Variants in SUPT3H observed in about 807,000 individuals in gnomAD.
SUPT3H encodes the protein transcription initiation protein SPT3 homolog.
SUPT3H carries 44 observed loss-of-function variants against 44.3 expected under a neutral mutation model. The observed-to-expected ratio is 0.99, with a 90% confidence interval of 0.78 to 1.28. The LOEUF (loss-of-function observed/expected upper bound fraction) is 1.28. Among genes scored for constraint, SUPT3H ranks in the 50% most tolerant of loss-of-function variants. The pLI is 0.00. For synonymous variants in SUPT3H, 124 were observed against 125.6 expected, an observed-to-expected ratio of 0.99 and a Z score of 0.09; for missense variants, 380 against 387.1, an observed-to-expected ratio of 0.98 and a Z score of 0.15.
chr6:44,953,435 T>A lies in SUPT3H; in HGVS notation c.694-18A>T. The A allele has an allele frequency of 6.3e-7, 1 of 1,596,080 alleles. No individual in the cohort carries two copies. Among genetic ancestry groups the A allele is most frequent in the Non-Finnish European group, 8.6e-7 (1 of 1,163,828 alleles). ...TCCACTAACTAGAAGACCAGAAGAA[T>A]GAAAGTCACATAGCTAGAAATAATC... On this transcript the variant is annotated intron_variant, in intron 8 of 10. Transcript: ENST00000371459.
intron 3 of SUPT3H, among the ~76,000 whole-genome samples, chr6:45,055,545 AAAAC>A (rs1408636441): frequency 1.3e-5 from 2 of 152,188 alleles, no homozygotes; most frequent in Admixed American, 6.5e-5. Context: ...GATCTTCGAC[AAAAC>A]AAACAAAAAC....
intron 6 of SUPT3H, among the ~76,000 whole-genome samples, chr6:44,976,419 T>C (rs973180857): frequency 1.3e-5 from 2 of 152,002 alleles, no homozygotes; most frequent in African/African-American, 4.8e-5. Context: ...TGGAGTGCAG[T>C]GGCGCAATCT....
intron 2 of SUPT3H, among the ~76,000 whole-genome samples, chr6:45,248,573 AAG>A (rs1383878994): frequency 6.6e-6 from 1 of 152,204 alleles, no homozygotes; most frequent in Non-Finnish European, 1.5e-5. Flanking sequence ...AAATCAAAAA[AAG>A]AGAAAAAACT....
intron 10 of SUPT3H, among the ~76,000 whole-genome samples, chr6:44,903,386 G>C (rs1271682143): frequency 1.3e-5 from 2 of 152,174 alleles, no homozygotes; most frequent in Non-Finnish European, 2.9e-5. Flanking sequence ...ACTACCATCA[G>C]AGAATACTAT....
At position 45,303,501 on chromosome 6, in the gene SUPT3H, C is replaced by A. The variant is rs182102666; in HGVS notation, c.101+61700G>T. Among the ~76,000 whole-genome samples the A allele has an allele frequency of 6.6e-5, 10 of 152,114 alleles. No homozygotes were observed. In the East Asian group the frequency reaches 7.7e-4, roughly 12 times the overall value. On this transcript the variant is annotated intron_variant, in intron 2 of 10. Transcript: ENST00000371459. ...CAAAAGAAGATAGAGAAATGGCCAA[C>A]AAACATATGAAAAAATGCTTAACAT...
chr6:45,045,546 G>T (rs1226427075), intron 3 of SUPT3H, among the ~76,000 whole-genome samples: 1 of 152,012 alleles, frequency 6.6e-6, no homozygotes, highest in Non-Finnish European at 1.5e-5. Context: ...GGAGTTTTGG[G>T]GCTAAGACAC....
intron 6 of SUPT3H, among the ~76,000 whole-genome samples, chr6:44,978,151 ATT>A (rs1258942111): frequency 6.6e-6 from 1 of 152,214 alleles, no homozygotes; most frequent in Admixed American, 6.5e-5. Flanking sequence ...AGGGAAGATT[ATT>A]TCTAAAGTAA....
intron 10 of SUPT3H, among the ~76,000 whole-genome samples, chr6:44,850,132 G>A (rs1772620565): frequency 6.6e-6 from 1 of 152,104 alleles, no homozygotes; most frequent in African/African-American, 2.4e-5. Context: ...TAACTTCCAA[G>A]AAAAAGAATC....
chr6:45,342,856 A>C (rs1233762094), intron 2 of SUPT3H, among the ~76,000 whole-genome samples: 1 of 152,218 alleles, frequency 6.6e-6, no homozygotes, highest in Non-Finnish European at 1.5e-5. Context: ...CTCCAATTAC[A>C]AGATATTTGT....
intron 6 of SUPT3H, among the ~76,000 whole-genome samples, chr6:44,996,136 G>A (rs941275499): frequency 6.6e-6 from 1 of 151,684 alleles, no homozygotes; most frequent in Non-Finnish European, 1.5e-5. Context: ...GTATATTAAT[G>A]CTTCTAATGC....
intron 3 of SUPT3H, among the ~76,000 whole-genome samples, chr6:45,041,702 C>G (rs1788558231): frequency 6.6e-6 from 1 of 152,162 alleles, no homozygotes; most frequent in African/African-American, 2.4e-5. Context: ...TCTTTTTCTT[C>G]TTTAACATCT....
At chr6:44,931,371 A>G (rs975856897) in intron 10 of SUPT3H, among the ~76,000 whole-genome samples, 1 of 151,820 alleles carries the variant, frequency 6.6e-6, no homozygotes, top group Non-Finnish European at 1.5e-5. Flanking sequence ...ATCTTTCATT[A>G]TAAGTTTTTT....
chr6:44,843,546 G>T (rs1304093410), intron 10 of SUPT3H, among the ~76,000 whole-genome samples: 2 of 152,010 alleles, frequency 1.3e-5, no homozygotes, highest in African/African-American at 4.8e-5. Flanking sequence ...AAGGTTATAG[G>T]CTATAAAATC....
intron 10 of SUPT3H, among the ~76,000 whole-genome samples, chr6:44,841,070 A>G (rs1770855081): frequency 6.6e-6 from 1 of 152,166 alleles, no homozygotes; most frequent in Non-Finnish European, 1.5e-5. Flanking sequence ...TTCTGCCATT[A>G]TTGGAAGCTT....
At chr6:45,006,538 A>T in intron 5 of SUPT3H, among the ~76,000 whole-genome samples, 1 of 152,034 alleles carries the variant, frequency 6.6e-6, no homozygotes, top group East Asian at 1.9e-4. Flanking sequence ...CATTGCTTGA[A>T]CATATTTTAG....
At chr6:44,919,639 T>C (rs1768344287) in intron 10 of SUPT3H, among the ~76,000 whole-genome samples, 2 of 152,284 alleles carry the variant, frequency 1.3e-5, no homozygotes, top group South Asian at 4.1e-4. Flanking sequence ...GTTCTATGCA[T>C]TCAGCCAAAT....
At chr6:44,926,418 C>G (rs1048304802) in intron 10 of SUPT3H, among the ~76,000 whole-genome samples, 1 of 151,744 alleles carries the variant, frequency 6.6e-6, no homozygotes, top group Non-Finnish European at 1.5e-5. Context: ...GGAAAAATAC[C>G]TGCAACAAAC....
intron 2 of SUPT3H, among the ~76,000 whole-genome samples, chr6:45,292,242 A>G (rs1343525476): frequency 1.3e-5 from 2 of 152,178 alleles, no homozygotes; most frequent in Non-Finnish European, 2.9e-5. Flanking sequence ...AAATGCCGAG[A>G]GAATTCGCCA....
chr6:45,324,184 A>T (rs1280436162), intron 2 of SUPT3H, among the ~76,000 whole-genome samples: 1 of 152,052 alleles, frequency 6.6e-6, no homozygotes, highest in Non-Finnish European at 1.5e-5. Context: ...TGAATTACTT[A>T]TACAGCTACA....
Sources: allele counts gnomAD v4.1 joint callset (sites outside exome capture counted in the v4.1 genomes callset), GRCh38; gene constraint gnomAD v4.1.1; transcripts MANE v1.5; gene names NCBI Gene and HGNC (gene_info 2026-07-23, HGNC 2026-07-21).